Variants in MRPL49 observed in about 807,000 individuals in gnomAD.
MRPL49 encodes mitochondrial ribosomal protein L49.
In MRPL49, 14 loss-of-function variants were observed where a neutral mutation model predicts 18.4. The ratio of observed to expected loss-of-function variants is 0.76; its 90% confidence interval spans 0.50 to 1.19. MRPL49 has a LOEUF of 1.19. MRPL49 is among the 50% of genes most tolerant of loss of function. The pLI is 0.00. For missense variants in MRPL49, 190 were observed against 217.8 expected (o/e 0.87, Z 0.80); for synonymous variants, 104 against 86.2 (o/e 1.21, Z -1.14).
intron 1 of MRPL49, among the ~76,000 whole-genome samples, chr11:65,124,247 CT>C (rs995831912): frequency 6.6e-6 from 1 of 152,176 alleles, no homozygotes; most frequent in African/African-American, 2.4e-5. Context: ...TTTTTGCAGT[CT>C]TTTGTGGTAG....
In MRPL49 at chr11:65,125,905, C is replaced by A; in HGVS notation, c.*33C>A. On this transcript the variant is annotated 3_prime_UTR_variant, in exon 4 of 4. Coordinates refer to ENST00000279242, the MANE Select transcript of MRPL49 (RefSeq NM_004927.4). ...CCGAGCAGCCTGCTTGTCAGCATGC[C>A]CTGTGGATCAAGTCTAGGGGGCCTC... 6.3e-7 allele frequency: 1 copy of A among 1,584,748 alleles called. No individual in the cohort carries two copies. Among genetic ancestry groups the A allele is most frequent in the South Asian group, 1.1e-5 (1 of 88,720 alleles).
At chr11:65,125,396 A>G (rs1011026614) in intron 2 of MRPL49, 92 bp from the exon 3 acceptor site, 121 of 1,546,552 alleles carry the variant, frequency 7.8e-5, no homozygotes, top group Non-Finnish European at 9.9e-5. Context: ...AGCTGGGTGC[A>G]CTGGCCCTCT....
Position 65,126,400 on chromosome 11 carries a change from G to T in MRPL49, c.*528G>T, listed in dbSNP as rs373445544. The T allele has an allele frequency of 6.5e-6, 1 of 153,834 alleles. No homozygotes were observed. Among genetic ancestry groups the T allele is most frequent in the Non-Finnish European group, 1.4e-5 (1 of 69,176 alleles). 9.5% of individuals were successfully genotyped at this position (153,834 alleles called of 1,614,324 possible). ...TCCGCCCACCTTGGCCTCCCAAAGCGTTGGGATTATAGGCATGAGCCATGT... is the reference window on the plus strand; with the variant it reads ...TCCGCCCACCTTGGCCTCCCAAAGCTTTGGGATTATAGGCATGAGCCATGT... On this transcript the variant is annotated 3_prime_UTR_variant, in exon 4 of 4. Coordinates refer to ENST00000279242, the MANE Select transcript of MRPL49 (RefSeq NM_004927.4).
chr11:65,122,287 G>A (rs1464985217), upstream of MRPL49: 1 of 1,581,314 alleles, frequency 6.3e-7, no homozygotes, highest in Non-Finnish European at 8.6e-7. Flanking sequence ...CAGGCAGCTC[G>A]CGCAGGACGG....
Position 65,126,059 on chromosome 11 carries a change from C to A in MRPL49, c.*187C>A. On this transcript the variant is annotated 3_prime_UTR_variant, in exon 4 of 4. Coordinates refer to ENST00000279242, the MANE Select transcript of MRPL49 (RefSeq NM_004927.4). ...TCTATGTACATGCTGGGGGAGAGTG[C>A]CTAATGTGGGAGACCAAATAGGGAT... 1.6e-6 allele frequency: 1 copy of A among 610,272 alleles called. No homozygotes were observed. The highest frequency in any genetic ancestry group is 2.7e-6 in the Non-Finnish European group (1 of 370,996). The allele number at this position is 610,272 out of a possible 1,614,324, so 37.8% of individuals were successfully genotyped here. A position where few individuals can be genotyped will look rare whatever the true frequency, so the allele number is the denominator to read the frequency against.
intron 1 of MRPL49, among the ~76,000 whole-genome samples, chr11:65,122,843 C>A (rs1948066356): frequency 6.6e-6 from 1 of 152,000 alleles, no homozygotes; most frequent in Admixed American, 6.5e-5. Context: ...CCTCAGCCTC[C>A]CGAGTAGCTG....
Position 65,126,829 on chromosome 11 carries a change from TCA to T in MRPL49, c.*960_*961del. 1 of 566,206 alleles carries T rather than the reference TCA, an allele frequency of 1.8e-6. No individual in the cohort carries two copies. The highest frequency in any genetic ancestry group is 3.1e-6 in the Non-Finnish European group (1 of 320,002). The allele number at this position is 566,206 out of a possible 1,614,324, so 35.1% of individuals were successfully genotyped here. ...TGACCACAAGGGAGTGGCTGGGAAC[TCA>T]CAGCCAGCATAGGGACATCCCCCTG... On this transcript the variant is annotated 3_prime_UTR_variant, in exon 4 of 4. Transcript: ENST00000279242.
rs1052330713 is a variant in MRPL49, at chr11:65,122,600, G to A, written c.78+176G>A. On this transcript the variant is annotated intron_variant, in intron 1 of 3. Transcript: ENST00000279242. ...ATCGAGAGGGAAAATGGTAGACTGG[G>A]GTGCTCTTTGGGAGCACTTAACACA... 9.7e-6 allele frequency: 6 copies of A among 617,464 alleles called. No individual in the cohort carries two copies. The Admixed American group carries it at 1.7e-4, about 17-fold the overall frequency. 38.2% of individuals were successfully genotyped at this position (617,464 alleles called of 1,614,324 possible).
rs760477929 is a variant in MRPL49, at chr11:65,122,330, T to G, written c.-17T>G. ...CCAGACAGTTGCGCGCACAGAAGGC[T>G]GGCGTAGCAGGTAAAGATGGCAGCT... On this transcript the variant is annotated 5_prime_UTR_variant, in exon 1 of 4. Coordinates refer to ENST00000279242, the MANE Select transcript of MRPL49 (RefSeq NM_004927.4). 12 of 1,610,156 alleles carry G rather than the reference T, an allele frequency of 7.5e-6. No homozygotes were observed. In the South Asian group the frequency reaches 1.2e-4, roughly 16 times the overall value.
chr11:65,124,722 C>G (rs114829713), intron 2 of MRPL49, 70 bp downstream of exon 2: 1 of 1,546,368 alleles, frequency 6.5e-7, no homozygotes. Flanking sequence ...GGTTGGCCTC[C>G]CCCATGAGGC....
In MRPL49 at chr11:65,126,008, C is replaced by T. The variant is rs1948097624; in HGVS notation, c.*136C>T. 10 of 1,055,402 alleles carry T rather than the reference C, an allele frequency of 9.5e-6. No individual in the cohort carries two copies. In the Admixed American group the frequency reaches 2.6e-4, roughly 27 times the overall value. 65.4% of individuals were successfully genotyped at this position (1,055,402 alleles called of 1,614,324 possible). On this transcript the variant is annotated 3_prime_UTR_variant, in exon 4 of 4. Coordinates refer to ENST00000279242, the MANE Select transcript of MRPL49 (RefSeq NM_004927.4). ...GGGCTAAAGGACTTTGGGGTCAGGCCTTGCTTGCATAAAGGAGAAAACAAC... is the reference window on the plus strand; with the variant it reads ...GGGCTAAAGGACTTTGGGGTCAGGCTTTGCTTGCATAAAGGAGAAAACAAC...
At chr11:65,123,147 A>G (rs1948069956) in intron 1 of MRPL49, among the ~76,000 whole-genome samples, 1 of 152,320 alleles carries the variant, frequency 6.6e-6, no homozygotes, top group East Asian at 1.9e-4. Flanking sequence ...CAATATAATA[A>G]TATCTATTTC....
chr11:65,122,609 T>C (rs1273808976), intron 1 of MRPL49, 185 bp downstream of exon 1: 2 of 599,752 alleles, frequency 3.3e-6, no homozygotes, highest in East Asian at 2.9e-5. Flanking sequence ...GGGTGCTCTT[T>C]GGGAGCACTT....
intron 2 of MRPL49, 157 bp downstream of exon 2, chr11:65,124,809 C>A: frequency 2.7e-6 from 2 of 754,416 alleles, no homozygotes; most frequent in East Asian, 2.8e-5. Flanking sequence ...AAGGAAGAGC[C>A]GAGGAGTGGA....
rs1948111333 is a variant in MRPL49, at chr11:65,127,123, C to T, written c.*1251C>T. 3.3e-5 allele frequency: 23 copies of T among 689,006 alleles called. No homozygotes were observed. The highest frequency in any genetic ancestry group is 1.2e-4 in the South Asian group (8 of 65,308). The allele number at this position is 689,006 out of a possible 1,614,324, so 42.7% of individuals were successfully genotyped here. ...TTCTCTGTGTGTAAAATGGGCACAT[C>T]TTCCTAATCTGTTAATGGTCAGTGG... On this transcript the variant is annotated 3_prime_UTR_variant, in exon 4 of 4. Coordinates refer to ENST00000279242, the MANE Select transcript of MRPL49 (RefSeq NM_004927.4).
Position 65,125,736 on chromosome 11 carries a change from A to G in MRPL49, c.365A>G (p.Lys122Arg), listed in dbSNP as rs1948094321. ...GTCATCTTTCCCCAGGCCCTGCAGA[A>G]AGACGTGGAAGATTTTCTGAGCCCG... ...KVEGDIWALQ[K>R]DVEDFLSPLL... is the part of the protein sequence containing the mutation. The change falls in exon 4 of 4, where the codon AAA (lysine) becomes AGA (arginine). Residue 122 changes from lysine to arginine, a missense_variant. Transcript: ENST00000279242. 6.2e-7 allele frequency: 1 copy of G among 1,613,814 alleles called. No individual in the cohort carries two copies. Among genetic ancestry groups the G allele is most frequent in the African/African-American group, 1.3e-5 (1 of 74,998 alleles).
chr11:65,125,387 G>A lies in MRPL49; in HGVS notation c.230-101G>A, dbSNP rs1948089351. 5 of 1,516,324 alleles carry A rather than the reference G, an allele frequency of 3.3e-6. No homozygotes were observed. The East Asian group carries it at 9.1e-5, about 28-fold the overall frequency. The allele number at this position is 1,516,324 out of a possible 1,614,324, so 93.9% of individuals were successfully genotyped here. On this transcript the variant is annotated intron_variant, in intron 2 of 3. Coordinates refer to ENST00000279242, the MANE Select transcript of MRPL49 (RefSeq NM_004927.4). ...TAAAGTCTGGAGGTGGCTTGGTCCA[G>A]CTGGGTGCACTGGCCCTCTGCAGAC...
At chr11:65,125,275 T>C in intron 2 of MRPL49, 1 of 553,046 alleles carries the variant, frequency 1.8e-6, no homozygotes, top group Non-Finnish European at 3.1e-6. Flanking sequence ...ACCTACTTAG[T>C]GCCAGGCCCT....
At position 65,122,391 on chromosome 11, in the gene MRPL49, C is replaced by T; in HGVS notation, c.45C>T (p.Thr15=). 1.2e-6 allele frequency: 2 copies of T among 1,613,172 alleles called. No individual in the cohort carries two copies. Among genetic ancestry groups the T allele is most frequent in the Non-Finnish European group, 1.7e-6 (2 of 1,179,678 alleles). Residue 15 remains threonine (T), a synonymous_variant, in exon 1 of 4, where the codon ACC becomes ACT. Coordinates refer to ENST00000279242, the MANE Select transcript of MRPL49 (RefSeq NM_004927.4). ...GGGCTACGCTGCGGGGATGGAGAAC[C>T]GGTGTCCAGCGGGGCTGCGGGCTAC... ...MFRATLRGWR[T]GVQRGCGLRL... is the part of the protein sequence containing the mutation.
Sources: allele counts gnomAD v4.1 joint callset (sites outside exome capture counted in the v4.1 genomes callset), GRCh38; gene constraint gnomAD v4.1.1; transcripts MANE v1.5; gene names NCBI Gene and HGNC (gene_info 2026-07-23, HGNC 2026-07-21).